Variants in SLC19A1 observed in about 807,000 individuals in gnomAD.
The protein encoded by SLC19A1 is solute carrier family 19 member 1.
In SLC19A1, 37 loss-of-function variants were observed where a neutral mutation model predicts 35.3. The ratio of observed to expected loss-of-function variants is 1.05; its 90% CI spans 0.81 to 1.38. SLC19A1 has a LOEUF of 1.38. Among genes scored for constraint, SLC19A1 ranks in the 40% most tolerant of loss-of-function variants. SLC19A1 has a pLI of 0.00. For missense variants in SLC19A1, 831 were observed against 826.9 expected (o/e 1.00, Z -0.06); for synonymous variants, 460 against 398.5 (o/e 1.15, Z -1.84).
chr21:45,510,982 ACACCCCACACACACAACACACCC>A, downstream of SLC19A1: 17 of 14,392 alleles, frequency 1.2e-3, 4 homozygotes, highest in South Asian at 2.5e-3. Context: ...AACACCCCCC[ACACCCCACACACACAACACACCC>A]CCCCCCCACA....
chr21:45,557,829 C>T (rs1446182964), intron 1 of SLC19A1, among the ~76,000 whole-genome samples: 1 of 152,156 alleles, frequency 6.6e-6, no homozygotes, highest in Non-Finnish European at 1.5e-5. Context: ...CAGACAGTTG[C>T]GGAGGGGAAG....
At chr21:45,503,591 T>G (rs980154635) in intron 3 of SLC19A1, among the ~76,000 whole-genome samples, 1 of 132,564 alleles carries the variant, frequency 7.5e-6, no homozygotes, top group South Asian at 2.3e-4. Flanking sequence ...AACAATGAGA[T>G]CACATGGACA....
chr21:45,510,143 AGGC>A, downstream of SLC19A1: 1 of 1,599,938 alleles, frequency 6.3e-7, no homozygotes, highest in Non-Finnish European at 8.5e-7. Flanking sequence ...TGCTTCCAGC[AGGC>A]GCGGGCCGTG....
rs1365450066 is a variant in SLC19A1, at chr21:45,505,379, CGGGCCCCCCTGGGCCCCCT to C, written c.498-6786_498-6768del. The C allele has an allele frequency of 8.2e-6, 13 of 1,594,322 alleles. No individual in the cohort carries two copies. Among genetic ancestry groups the C allele is most frequent in the East Asian group, 2.2e-5 (1 of 44,744 alleles). On this transcript the variant is annotated intron_variant, in intron 3 of 4. Coordinates refer to the SLC19A1 transcript ENST00000417954. ...GCAGCTATCAGCGTTCCCGGCCCTC[CGGGCCCCCCTGGGCCCCCT>C]GGGCCCCCTGGAACCATGGGCGCCT...
At chr21:45,556,967 A>G (rs2078569428) in intron 1 of SLC19A1, among the ~76,000 whole-genome samples, 1 of 151,952 alleles carries the variant, frequency 6.6e-6, no homozygotes, top group Non-Finnish European at 1.5e-5. Flanking sequence ...ACTCAGATGC[A>G]TGTGTCTCCT....
intron 1 of SLC19A1, among the ~76,000 whole-genome samples, chr21:45,554,729 G>C (rs1232158969): frequency 6.6e-6 from 1 of 150,852 alleles, no homozygotes; most frequent in African/African-American, 2.4e-5. Flanking sequence ...ATCTCCTTCC[G>C]CTTGGCTGTG....
chr21:45,509,445 G>A (rs538692805), downstream of SLC19A1: 9 of 1,532,834 alleles, frequency 5.9e-6, no homozygotes, highest in East Asian at 2.0e-4. Flanking sequence ...ACCCCACCGC[G>A]CGGCCCTGGC....
At chr21:45,512,047 C>A, downstream of SLC19A1, 1 of 864,700 alleles carries the variant, frequency 1.2e-6, no homozygotes, top group Non-Finnish European at 1.9e-6. Flanking sequence ...GGCCATGTGG[C>A]CCTCCAGGTT....
rs749244983 is a variant in SLC19A1, at chr21:45,516,043, G to A, written c.1391C>T (p.Pro464Leu). Residue 464 changes from proline (P) to leucine (L), a missense_variant, in exon 6 of 6, where the codon CCG becomes CTG. Coordinates refer to ENST00000311124, the MANE Select transcript of SLC19A1 (RefSeq NM_194255.4). ...CAGGCCCTGGGCCGGGGGCTGCCGC[G>A]GGTGGTGGCCCCGCTGGCAGTGCCG... ...GLRHCQRGHHPRQPPAQGLRS... is the reference protein window; with the variant it reads ...GLRHCQRGHHLRQPPAQGLRS... 1.4e-5 allele frequency: 22 copies of A among 1,583,538 alleles called. No individual in the cohort carries two copies. Among genetic ancestry groups the A allele is most frequent in the Admixed American group, 1.9e-5 (1 of 53,602 alleles).
downstream of SLC19A1, chr21:45,511,076 AC>A: frequency 4.3e-6 from 4 of 930,260 alleles, no homozygotes; most frequent in Non-Finnish European, 6.1e-6. Context: ...ACACCCCCAC[AC>A]ACCACACACA....
intron 5 of SLC19A1, among the ~76,000 whole-genome samples, chr21:45,524,764 T>C (rs1370067901): frequency 1.0e-5 from 1 of 99,970 alleles, no homozygotes; most frequent in African/African-American, 4.2e-5. Context: ...CCCTGGGCCT[T>C]GGAGGCTCAT....
chr21:45,503,654 G>T (rs906148811), intron 3 of SLC19A1, among the ~76,000 whole-genome samples: 2 of 107,232 alleles, frequency 1.9e-5, no homozygotes, highest in African/African-American at 7.2e-5. Context: ...GGGGAGGGGG[G>T]AGGGATAGCA....
Position 45,526,197 on chromosome 21 carries a change from G to A in SLC19A1, c.1152-239C>T, listed in dbSNP as rs577606511. On this transcript the variant is annotated intron_variant, in intron 4 of 5. Transcript: ENST00000311124. ...ATTCTGGGAGCTGCCGTGTCCCCCT[G>A]GCTCAGTACAGAGTGAGGGTCCCTT... 1.3e-4 allele frequency among the ~76,000 whole-genome samples: 20 copies of A among 152,302 alleles called. No individual in the cohort carries two copies. The East Asian group carries it at 3.3e-3, about 25-fold the overall frequency.
chr21:45,530,686 C>T lies in SLC19A1; in HGVS notation c.1151+84G>A, dbSNP rs917413799. On this transcript the variant is annotated intron_variant, in intron 4 of 5. Transcript: ENST00000311124. The surrounding 1 kb of genome is among the most constrained non-coding windows in gnomAD (Gnocchi z 5.3). ...CAGTGGCACAGCCGCTGGGGCGCAG[C>T]AGGAAGGTGGGAGCACCCAGCGAAG... The T allele has an allele frequency of 1.1e-5, 15 of 1,391,644 alleles. No homozygotes were observed. The African/African-American group carries it at 2.2e-4, about 20-fold the overall frequency. The allele number at this position is 1,391,644 out of a possible 1,614,324, so 86.2% of individuals were successfully genotyped here. A position where few individuals can be genotyped will look rare whatever the true frequency, so the allele number is the denominator to read the frequency against.
intron 5 of SLC19A1, among the ~76,000 whole-genome samples, chr21:45,516,512 C>T (rs796736654): frequency 1.3e-4 from 20 of 152,348 alleles, no homozygotes; most frequent in African/African-American, 4.8e-4. Context: ...GAACGTCCCG[C>T]CTGGCAGAGC....
intron 5 of SLC19A1, among the ~76,000 whole-genome samples, chr21:45,523,920 C>A (rs1006284210): frequency 3.9e-4 from 59 of 152,326 alleles, no homozygotes; most frequent in African/African-American, 1.4e-3. Context: ...GCCAGCACCC[C>A]GCCCTGGGGC....
intron 1 of SLC19A1, among the ~76,000 whole-genome samples, chr21:45,559,897 G>T (rs1245002766): frequency 6.6e-6 from 1 of 151,780 alleles, no homozygotes; most frequent in Non-Finnish European, 1.5e-5. Flanking sequence ...GATGGGGGCA[G>T]ACAGCCCTCC....
chr21:45,510,596 GC>G (rs1178136035), downstream of SLC19A1, among the ~76,000 whole-genome samples: 1 of 151,842 alleles, frequency 6.6e-6, no homozygotes, highest in East Asian at 1.9e-4. Context: ...TCACATACAA[GC>G]CTGGAATCAG....
downstream of SLC19A1, chr21:45,509,589 C>A: frequency 6.6e-7 from 1 of 1,506,098 alleles, no homozygotes; most frequent in Non-Finnish European, 8.9e-7. Flanking sequence ...GCCACCGCGA[C>A]TTCCAGCCGG....
Sources: gnomAD v4.1 joint callset for allele counts (sites outside exome capture counted in the v4.1 genomes callset) on GRCh38, gnomAD v4.1.1 for gene constraint, Gnocchi (gnomAD v3.1) non-coding constraint, MANE v1.5 for transcripts, NCBI Gene and HGNC (gene_info 2026-07-23, HGNC 2026-07-21) for gene names.